The following LNX1 variants were observed in gnomAD, a reference collection of about 807,000 sequenced individuals.
The protein encoded by LNX1 is E3 ubiquitin-protein ligase LNX.
A neutral mutation model predicts 68.4 loss-of-function variants in LNX1; 54 were observed. That is an observed-to-expected ratio of 0.79 (90% CI 0.63 to 0.99). LNX1 has a LOEUF of 0.99. Among genes scored for constraint, LNX1 ranks in the 50% least tolerant of loss-of-function variants. The pLI, the probability that LNX1 is intolerant of heterozygous loss-of-function variation, is 0.00. For synonymous variants in LNX1, 336 were observed against 350.0 expected, an observed-to-expected ratio of 0.96 and a Z score of 0.45; for missense variants, 906 against 926.4, an observed-to-expected ratio of 0.98 and a Z score of 0.29.
intron 2 of LNX1, among the ~76,000 whole-genome samples, chr4:53,536,550 G>T (rs1396972251): frequency 6.6e-6 from 1 of 152,122 alleles, no homozygotes; most frequent in Non-Finnish European, 1.5e-5. Flanking sequence ...AAATGATTTT[G>T]GCAGTCCTGA....
chr4:53,570,353 T>C (rs1035459094), intron 2 of LNX1, among the ~76,000 whole-genome samples: 1 of 149,990 alleles, frequency 6.7e-6, no homozygotes, highest in Non-Finnish European at 1.5e-5. Context: ...GATGAGTTCA[T>C]GTCCTTTGTA....
intron 2 of LNX1, among the ~76,000 whole-genome samples, chr4:53,509,863 C>T (rs769912039): frequency 2.0e-4 from 31 of 152,166 alleles, no homozygotes; most frequent in Non-Finnish European, 4.0e-4. Flanking sequence ...CCCAGTCGCA[C>T]GAGTACCCCT....
At chr4:53,474,189 A>T (rs1407842203) in intron 9 of LNX1, among the ~76,000 whole-genome samples, 2 of 152,250 alleles carry the variant, frequency 1.3e-5, no homozygotes, top group Non-Finnish European at 1.5e-5. Context: ...TGCAGTGCCT[A>T]TCATGATACC....
At chr4:53,484,544 G>A (rs568786928) in intron 6 of LNX1, among the ~76,000 whole-genome samples, 99 of 151,372 alleles carry the variant, frequency 6.5e-4, no homozygotes, top group African/African-American at 2.3e-3. Flanking sequence ...GCCTGGGTGA[G>A]AAAGCAAGAC....
chr4:53,625,632 A>C (rs1352658529), intron 1 of LNX1, among the ~76,000 whole-genome samples: 1 of 152,106 alleles, frequency 6.6e-6, no homozygotes, highest in East Asian at 1.9e-4. Context: ...CCCTGTCTCT[A>C]CAAAATAAAA....
intron 6 of LNX1, 45 bp from the exon 7 acceptor site, chr4:53,481,899 A>G: frequency 1.3e-6 from 2 of 1,511,346 alleles, no homozygotes; most frequent in Non-Finnish European, 1.8e-6. Context: ...GTTTCCATCC[A>G]CTGCATTCAG....
intron 7 of LNX1, among the ~76,000 whole-genome samples, chr4:53,480,899 G>T (rs551622378): frequency 6.6e-6 from 1 of 152,042 alleles, no homozygotes; most frequent in Non-Finnish European, 1.5e-5. Flanking sequence ...ATTTTTTTTA[G>T]TTACAAGTGA....
intron 4 of LNX1, among the ~76,000 whole-genome samples, chr4:53,504,390 A>G (rs185512470): frequency 2.7e-4 from 41 of 152,326 alleles, no homozygotes; most frequent in African/African-American, 9.6e-4. Flanking sequence ...CACCTCTCTC[A>G]GCCTTCACAG....
At chr4:53,582,258 GA>G in intron 1 of LNX1, among the ~76,000 whole-genome samples, 1 of 152,302 alleles carries the variant, frequency 6.6e-6, no homozygotes, top group East Asian at 1.9e-4. Flanking sequence ...CCCAAGGTCA[GA>G]ATTGATTGTT....
chr4:53,518,426 TC>T (rs1726955914), intron 2 of LNX1, among the ~76,000 whole-genome samples: 2 of 152,216 alleles, frequency 1.3e-5, no homozygotes, highest in Admixed American at 1.3e-4. Context: ...GTTTTTCCTA[TC>T]GGTTTACAGA....
chr4:53,563,002 C>G (rs575183586), intron 2 of LNX1, among the ~76,000 whole-genome samples: 21 of 152,096 alleles, frequency 1.4e-4, no homozygotes, highest in Non-Finnish European at 2.4e-4. Flanking sequence ...GTCAGGAGAT[C>G]GAGACCATTC....
chr4:53,540,628 G>A (rs1232203421), intron 2 of LNX1, among the ~76,000 whole-genome samples: 2 of 151,924 alleles, frequency 1.3e-5, no homozygotes, highest in Non-Finnish European at 2.9e-5. Context: ...GTTGCAGCGA[G>A]CCGAGATTGC....
chr4:53,461,537 CCCAGACTT>C lies in LNX1; in HGVS notation c.1941_1948del (p.Ser648LeufsTer8). The C allele has an allele frequency of 1.2e-6, 2 of 1,612,120 alleles. No homozygotes were observed. Among genetic ancestry groups the C allele is most frequent in the African/African-American group, 2.7e-5 (2 of 74,968 alleles). ...TTCATAACCTCCTACAATGCAGAAG[CCCAGACTT>C]CCAGCTGTGTTTCTTCGTAATACAA... On this transcript the variant is annotated frameshift_variant, in exon 10 of 11. Coordinates refer to ENST00000263925, the MANE Select transcript of LNX1 (RefSeq NM_001126328.3). LOFTEE classifies it high-confidence loss of function.
chr4:53,486,468 C>A (rs1290435959), intron 6 of LNX1, among the ~76,000 whole-genome samples: 1 of 152,132 alleles, frequency 6.6e-6, no homozygotes, highest in Non-Finnish European at 1.5e-5. Context: ...TTATTGGCAG[C>A]CTCCTGACAA....
chr4:53,516,379 A>C (rs1413324915), intron 2 of LNX1, among the ~76,000 whole-genome samples: 1 of 152,194 alleles, frequency 6.6e-6, no homozygotes, highest in South Asian at 2.1e-4. Context: ...GAAAACGACA[A>C]TGTATGCACT....
At chr4:53,628,356 A>G (rs1252665575) in intron 1 of LNX1, among the ~76,000 whole-genome samples, 1 of 152,228 alleles carries the variant, frequency 6.6e-6, no homozygotes, top group East Asian at 1.9e-4. Flanking sequence ...TTCTCAAAAA[A>G]AGTTATACAA....
chr4:53,538,421 A>T (rs546788721), intron 2 of LNX1, among the ~76,000 whole-genome samples: 2 of 152,262 alleles, frequency 1.3e-5, no homozygotes, highest in Non-Finnish European at 1.5e-5. Context: ...CACTAACTCC[A>T]AGGAAAATTA....
chr4:53,591,613 G>C (rs1732509015), upstream of LNX1: 5 of 984,154 alleles, frequency 5.1e-6, no homozygotes, highest in Middle Eastern at 5.2e-4. Flanking sequence ...CTTAGGGATT[G>C]AAAGAGTCAG....
intron 2 of LNX1, among the ~76,000 whole-genome samples, chr4:53,571,045 C>A (rs957766280): frequency 1.4e-5 from 2 of 144,798 alleles, no homozygotes; most frequent in African/African-American, 5.0e-5. Flanking sequence ...AAAAAAGAAT[C>A]TTTTTTTTTT....
Sources: gnomAD v4.1 joint callset for allele counts (sites outside exome capture counted in the v4.1 genomes callset) on GRCh38, gnomAD v4.1.1 for gene constraint, MANE v1.5 for transcripts, NCBI Gene and HGNC (gene_info 2026-07-23, HGNC 2026-07-21) for gene names.